The following ADCY2 variants were observed in gnomAD, a reference collection of about 807,000 sequenced individuals.
ADCY2 encodes adenylate cyclase type 2.
ADCY2 carries 31 observed loss-of-function variants against 125.2 expected under a neutral mutation model. That is an observed-to-expected ratio of 0.25 (90% CI 0.19 to 0.33). The LOEUF is 0.33. ADCY2 is among the 10% of genes least tolerant of loss of function. ADCY2 has a pLI of 1.00. For synonymous variants in ADCY2, 512 were observed against 548.4 expected (o/e 0.93, Z 0.93); for missense variants, 904 against 1,418.2 (o/e 0.64, Z 5.82).
intron 4 of ADCY2, among the ~76,000 whole-genome samples, chr5:7,690,312 T>C (rs1391557320): frequency 1.3e-5 from 2 of 152,184 alleles, no homozygotes; most frequent in African/African-American, 2.4e-5. Context: ...AGCTCAGAAA[T>C]GAACATGCAG....
chr5:7,458,050 G>T (rs1741764687), intron 2 of ADCY2, among the ~76,000 whole-genome samples: 1 of 152,154 alleles, frequency 6.6e-6, no homozygotes, highest in Non-Finnish European at 1.5e-5. Context: ...TGCACACTTT[G>T]TGTAGAGGTT....
chr5:7,674,003 T>C (rs1188510658), intron 4 of ADCY2, among the ~76,000 whole-genome samples: 2 of 152,082 alleles, frequency 1.3e-5, no homozygotes, highest in Non-Finnish European at 2.9e-5. Flanking sequence ...CACTGGAAGA[T>C]GAAGGAGGAG....
chr5:7,408,816 C>G (rs895983141), intron 1 of ADCY2, among the ~76,000 whole-genome samples: 3 of 152,114 alleles, frequency 2.0e-5, no homozygotes, highest in Admixed American at 6.5e-5. Context: ...TGGGAGACAG[C>G]GTTACGATTC....
At chr5:7,801,837 A>G (rs1438305470) in intron 20 of ADCY2, 1 of 175,672 alleles carries the variant, frequency 5.7e-6, no homozygotes, top group East Asian at 1.5e-4. Context: ...CCATCCAAAT[A>G]CTATAGCCAT....
intron 3 of ADCY2, among the ~76,000 whole-genome samples, chr5:7,619,404 A>G (rs1737878865): frequency 2.6e-5 from 4 of 152,196 alleles, no homozygotes; most frequent in Admixed American, 2.6e-4. Context: ...AAAAGGAAAC[A>G]TCTGCCCTAT....
chr5:7,580,616 G>T (rs1303211139), intron 3 of ADCY2, among the ~76,000 whole-genome samples: 2 of 152,152 alleles, frequency 1.3e-5, no homozygotes, highest in Admixed American at 6.5e-5. Flanking sequence ...TAACATATTT[G>T]TAATGGAGTC....
chr5:7,447,066 C>T (rs749430794), intron 2 of ADCY2, among the ~76,000 whole-genome samples: 18 of 152,196 alleles, frequency 1.2e-4, no homozygotes, highest in Non-Finnish European at 2.4e-4. Flanking sequence ...TTTCGGAGTG[C>T]GTCACAGTTA....
chr5:7,812,479 C>T (rs1202928196), intron 22 of ADCY2, among the ~76,000 whole-genome samples: 1 of 152,162 alleles, frequency 6.6e-6, no homozygotes, highest in Non-Finnish European at 1.5e-5. Flanking sequence ...TATCTTCCTC[C>T]TAGGTGGCTG....
chr5:7,518,173 T>C (rs1364382369), intron 2 of ADCY2, among the ~76,000 whole-genome samples: 2 of 152,204 alleles, frequency 1.3e-5, no homozygotes, highest in Admixed American at 6.5e-5. Flanking sequence ...GTCAGATTCG[T>C]TGGAGACCTG....
chr5:7,769,937 A>G (rs910111557), intron 17 of ADCY2, among the ~76,000 whole-genome samples: 1 of 152,208 alleles, frequency 6.6e-6, no homozygotes, highest in Non-Finnish European at 1.5e-5. Flanking sequence ...TCAGTATCCT[A>G]TTGCCAGAAT....
chr5:7,822,726 A>ATG (rs33999538), intron 24 of ADCY2, among the ~76,000 whole-genome samples: 3,175 of 151,304 alleles, frequency 0.021, 109 homozygotes, highest in African/African-American at 0.069. Context: ...GTGTACATGC[A>ATG]TGTGTGTGTG....
intron 18 of ADCY2, among the ~76,000 whole-genome samples, chr5:7,779,399 A>G (rs1166685057): frequency 6.6e-6 from 1 of 152,214 alleles, no homozygotes; most frequent in African/African-American, 2.4e-5. Flanking sequence ...AGTGTTTCTA[A>G]TCATCAGTTC....
intron 4 of ADCY2, among the ~76,000 whole-genome samples, chr5:7,628,762 G>T (rs1738213603): frequency 1.3e-5 from 2 of 151,704 alleles, no homozygotes; most frequent in African/African-American, 4.8e-5. Flanking sequence ...ACGATGAGAT[G>T]TGTTTGTACT....
intron 18 of ADCY2, among the ~76,000 whole-genome samples, chr5:7,783,425 A>C (rs1743981115): frequency 6.6e-6 from 1 of 152,144 alleles, no homozygotes; most frequent in South Asian, 2.1e-4. Context: ...CCTATAGCTC[A>C]GGATTCAAAC....
chr5:7,477,049 G>A (rs189707768), intron 2 of ADCY2, among the ~76,000 whole-genome samples: 78 of 152,202 alleles, frequency 5.1e-4, no homozygotes, highest in Admixed American at 7.9e-4. Flanking sequence ...CTGCGAATAC[G>A]TTCTCCAGCA....
intron 2 of ADCY2, among the ~76,000 whole-genome samples, chr5:7,516,762 C>G (rs547814042): frequency 6.6e-6 from 1 of 152,188 alleles, no homozygotes; most frequent in Non-Finnish European, 1.5e-5. Context: ...AGGGTACACA[C>G]TCTGTTTCCC....
intron 10 of ADCY2, among the ~76,000 whole-genome samples, chr5:7,710,162 C>T (rs1741395011): frequency 6.6e-6 from 1 of 152,132 alleles, no homozygotes; most frequent in Non-Finnish European, 1.5e-5. Flanking sequence ...TTCAGTCGCC[C>T]TGGGCCCCCA....
chr5:7,484,157 C>A (rs746178694), intron 2 of ADCY2, among the ~76,000 whole-genome samples: 1 of 152,104 alleles, frequency 6.6e-6, no homozygotes, highest in Non-Finnish European at 1.5e-5. Flanking sequence ...ATTATAATGT[C>A]CCAAGCTTTT....
At chr5:7,580,334 A>G (rs1330871369) in intron 3 of ADCY2, among the ~76,000 whole-genome samples, 5 of 152,214 alleles carry the variant, frequency 3.3e-5, no homozygotes, top group Non-Finnish European at 7.3e-5. Context: ...AGTTTTTAAA[A>G]AGGAAGCAAA....
Sources: allele counts gnomAD v4.1 joint callset (sites outside exome capture counted in the v4.1 genomes callset), GRCh38; gene constraint gnomAD v4.1.1; transcripts MANE v1.5; gene names NCBI Gene and HGNC (gene_info 2026-07-23, HGNC 2026-07-21).